Variants in RAPGEF1 observed in about 807,000 individuals in gnomAD.
The protein encoded by RAPGEF1 is Rap guanine nucleotide exchange factor 1.
RAPGEF1 carries 33 observed loss-of-function variants against 143.3 expected under a neutral mutation model. The observed-to-expected ratio is 0.23, with a 90% CI of 0.17 to 0.31. RAPGEF1 has a LOEUF of 0.31. Among genes scored for constraint, RAPGEF1 ranks in the 10% least tolerant of loss-of-function variants. The probability of loss-of-function intolerance (pLI) is 1.00; values close to 1 mark genes in which losing one functional copy is unlikely to be tolerated. For synonymous variants in RAPGEF1, 629 were observed against 676.5 expected, an observed-to-expected ratio of 0.93 and a Z score of 1.09; for missense variants, 1,199 against 1,645.4, an observed-to-expected ratio of 0.73 and a Z score of 4.69.
intron 4 of RAPGEF1, among the ~76,000 whole-genome samples, chr9:131,639,068 A>G (rs1966980239): frequency 6.6e-6 from 1 of 152,166 alleles, no homozygotes. Flanking sequence ...ATGCTTTTTC[A>G]AACTTCACAT....
chr9:131,736,984 T>G (rs1391406995), intron 1 of RAPGEF1, among the ~76,000 whole-genome samples: 1 of 152,060 alleles, frequency 6.6e-6, no homozygotes, highest in Non-Finnish European at 1.5e-5. Context: ...GTCGTCTAAA[T>G]GCAAAGGGAA....
At chr9:131,699,537 C>T (rs574319976) in intron 1 of RAPGEF1, among the ~76,000 whole-genome samples, 3 of 152,310 alleles carry the variant, frequency 2.0e-5, no homozygotes, top group South Asian at 2.1e-4. Flanking sequence ...AGGCACTGCG[C>T]CTGGCCCCAC....
chr9:131,591,851 T>C (rs1954332585), intron 18 of RAPGEF1, among the ~76,000 whole-genome samples: 1 of 152,218 alleles, frequency 6.6e-6, no homozygotes, highest in Non-Finnish European at 1.5e-5. Flanking sequence ...TCCCAGACTA[T>C]GTTCCAGCCT....
rs1047658057 is a variant in RAPGEF1, at chr9:131,675,254, A to G, written c.62-24305T>C. Among the ~76,000 whole-genome samples the G allele has an allele frequency of 6.6e-6, 1 of 152,126 alleles. No homozygotes were observed. Among genetic ancestry groups the G allele is most frequent in the Non-Finnish European group, 1.5e-5 (1 of 68,006 alleles). On this transcript the variant is annotated intron_variant, in intron 1 of 26. Coordinates refer to ENST00000683357, the MANE Select transcript of RAPGEF1 (RefSeq NM_001377935.1). The surrounding 1 kb of genome is among the most constrained non-coding windows in gnomAD (Gnocchi z 4.6). ...GGAAAATGCTCCCAGCAGAGGGATG[A>G]GCACATCTGGAAGGCCCCAGCCCAG... is the stretch of plus-strand genomic sequence containing the variant.
chr9:131,628,527 C>T lies in RAPGEF1; in HGVS notation c.1017+22G>A. 1 of 1,605,786 alleles carries T rather than the reference C, an allele frequency of 6.2e-7. No individual in the cohort carries two copies. Among genetic ancestry groups the T allele is most frequent in the Admixed American group, 1.7e-5 (1 of 59,856 alleles). ...CCCACCCCCTCCCTGCCTTCCCATG[C>T]AGGGAACAGGGGCTGCATTACCTGC... On this transcript the variant is annotated intron_variant, in intron 8 of 26. Transcript: ENST00000683357. The surrounding 1 kb of genome is among the most constrained non-coding windows in gnomAD (Gnocchi z 5.7).
chr9:131,721,099 C>T (rs1357328410), intron 1 of RAPGEF1, among the ~76,000 whole-genome samples: 1 of 152,172 alleles, frequency 6.6e-6, no homozygotes, highest in African/African-American at 2.4e-5. Context: ...CCGACCCTCC[C>T]GCAGACTCCA....
chr9:131,626,446 G>C (rs1464283689), intron 9 of RAPGEF1, 24 bp from the exon 10 acceptor site: 1 of 1,540,186 alleles, frequency 6.5e-7, no homozygotes, highest in Non-Finnish European at 8.8e-7. Context: ...AGGGGAAAAA[G>C]AGACCCGTTA....
At position 131,628,018 on chromosome 9, in the gene RAPGEF1, A is replaced by G. The variant is rs763011858; in HGVS notation, c.1096T>C (p.Ser366Pro). 6.4e-7 allele frequency: 1 copy of G among 1,566,056 alleles called. No homozygotes were observed. The highest frequency in any genetic ancestry group is 8.7e-7 in the Non-Finnish European group (1 of 1,155,714). The change falls in exon 9 of 27, where the codon TCC (serine) becomes CCC (proline). Residue 366 changes from serine (S) to proline (P), a missense_variant. Around this residue, in one of 6 missense-constraint regions of RAPGEF1, gnomAD observed 613 missense variants for 710.9 expected, o/e 0.86. Transcript: ENST00000683357. This position sits in a 1 kb window ranked among gnomAD's most constrained non-coding sequence, Gnocchi z 5.7. ...AGCTTGCCTATGCTGCTGCAGGGGG[A>G]GAGGCGGGGCGACTCTCCACCATAT... is the stretch of plus-strand genomic sequence containing the variant. ...HSYGGESPRL[S>P]PCSSIGKLSK...
In RAPGEF1 at chr9:131,584,644, CA is replaced by C. The variant is rs1220334232; in HGVS notation, c.3234-49del. On this transcript the variant is annotated intron_variant, in intron 22 of 26. Transcript: ENST00000683357. The surrounding 1 kb of genome is among the most constrained non-coding windows in gnomAD (Gnocchi z 6.8). ...AAACAGCTGAGTTGACAAGTCCCTGCAGGTCCCAGGGGTCCTGGTGGAGACA... is the reference window on the plus strand; with the variant it reads ...AAACAGCTGAGTTGACAAGTCCCTGCGGTCCCAGGGGTCCTGGTGGAGACA... 1 of 1,590,746 alleles carries C rather than the reference CA, an allele frequency of 6.3e-7. No individual in the cohort carries two copies. Among genetic ancestry groups the C allele is most frequent in the East Asian group, 2.2e-5 (1 of 44,770 alleles).
chr9:131,597,177 C>A (rs1178255971), intron 16 of RAPGEF1, among the ~76,000 whole-genome samples: 1 of 152,244 alleles, frequency 6.6e-6, no homozygotes, highest in Non-Finnish European at 1.5e-5. Context: ...GCCCTCTCAG[C>A]TGCGGTACAC....
At chr9:131,732,691 G>C (rs1412906438) in intron 1 of RAPGEF1, among the ~76,000 whole-genome samples, 1 of 80,216 alleles carries the variant, frequency 1.2e-5, no homozygotes, top group African/African-American at 3.5e-5. Context: ...CATCCTAATT[G>C]GCAATTTGAA....
rs184030691 is a variant in RAPGEF1, at chr9:131,621,830, G to A, written c.1871C>T (p.Pro624Leu). The change falls in exon 11 of 27, where the codon CCG (proline) becomes CTG (leucine). Residue 624 changes from proline (P) to leucine (L), a missense_variant. By Grantham distance (98) the Pro-to-Leu change is moderately conservative. Around this residue, in one of 6 missense-constraint regions of RAPGEF1, gnomAD observed 293 missense variants for 356.2 expected, o/e 0.82. Transcript: ENST00000683357. The surrounding 1 kb of genome is among the most constrained non-coding windows in gnomAD (Gnocchi z 4.5). ...CTGCTTGGGGGGTAGGGCGGGCGGC[G>A]GGGCCAGCTCCTGCACGGAGTCCAC... ...SGVDSVQELA[P>L]PPALPPKQRQ... The A allele has an allele frequency of 6.5e-5, 104 of 1,610,100 alleles. No homozygotes were observed. Among genetic ancestry groups the A allele is most frequent in the Admixed American group, 4.2e-4 (25 of 59,346 alleles).
At chr9:131,618,353 C>T (rs1050453509) in intron 12 of RAPGEF1, among the ~76,000 whole-genome samples, 1 of 152,200 alleles carries the variant, frequency 6.6e-6, no homozygotes, top group Non-Finnish European at 1.5e-5. Flanking sequence ...CAAAATTGGC[C>T]AAGCCTGGGC....
intron 6 of RAPGEF1, 26 bp downstream of exon 6, chr9:131,630,210 C>T (rs746917156): frequency 2.6e-5 from 42 of 1,609,068 alleles, no homozygotes; most frequent in East Asian, 1.3e-4. Context: ...GTGACACCCG[C>T]GACACGAGGG....
intron 12 of RAPGEF1, among the ~76,000 whole-genome samples, chr9:131,609,630 C>T (rs1171823804): frequency 6.6e-6 from 1 of 152,192 alleles, no homozygotes; most frequent in Admixed American, 6.5e-5. Flanking sequence ...TAACCAGCTC[C>T]TTTGGAAACA....
chr9:131,650,249 G>A lies in RAPGEF1; in HGVS notation c.202-7C>T. The A allele has an allele frequency of 6.3e-7, 1 of 1,597,082 alleles. No homozygotes were observed. Among genetic ancestry groups the A allele is most frequent in the Non-Finnish European group, 8.6e-7 (1 of 1,165,930 alleles). ...GAAATCTGTCTGTTGCCTCCTGGAAGAGAGGAAACCTGGATTCCTACAGAG... is the reference window on the plus strand; with the variant it reads ...GAAATCTGTCTGTTGCCTCCTGGAAAAGAGGAAACCTGGATTCCTACAGAG... On this transcript the variant is annotated splice_region_variant and splice_polypyrimidine_tract_variant and intron_variant, in intron 2 of 26. Transcript: ENST00000683357. This position sits in a 1 kb window ranked among gnomAD's most constrained non-coding sequence, Gnocchi z 4.7.
intron 1 of RAPGEF1, among the ~76,000 whole-genome samples, chr9:131,718,206 AG>A (rs956544542): frequency 1.3e-5 from 2 of 152,188 alleles, no homozygotes; most frequent in Non-Finnish European, 2.9e-5. Context: ...AAAGGCTCTG[AG>A]GGAAAGGAAC....
In RAPGEF1 at chr9:131,650,495, C is replaced by T. The variant is rs1034590874; in HGVS notation, c.202-253G>A. ...TGTGTTTGAGTGTGCGCCAAGGCAA[C>T]GTAGGGAACTGCAGGGCAGGGAGGC... On this transcript the variant is annotated intron_variant, in intron 2 of 26. Transcript: ENST00000683357. The surrounding 1 kb of genome is among the most constrained non-coding windows in gnomAD (Gnocchi z 4.7). Among the ~76,000 whole-genome samples the T allele has an allele frequency of 3.9e-5, 6 of 152,054 alleles. No homozygotes were observed. The highest frequency in any genetic ancestry group is 7.4e-5 in the Non-Finnish European group (5 of 67,960).
At chr9:131,716,832 T>C (rs895018069) in intron 1 of RAPGEF1, among the ~76,000 whole-genome samples, 2 of 152,194 alleles carry the variant, frequency 1.3e-5, no homozygotes, top group African/African-American at 4.8e-5. Context: ...GTAGAAGTCC[T>C]AAGTACGTGG....
Sources: gnomAD v4.1 joint callset for allele counts (sites outside exome capture counted in the v4.1 genomes callset) on GRCh38, gnomAD v4.1.1 for gene constraint, gnomAD v4.1.1 regional missense constraint, Gnocchi (gnomAD v3.1) non-coding constraint, MANE v1.5 for transcripts, NCBI Gene and HGNC (gene_info 2026-07-23, HGNC 2026-07-21) for gene names.